AARS1: variants seen among roughly 807,000 people sequenced by gnomAD.
AARS1 encodes alanyl-tRNA synthetase 1, also known as alanine--tRNA ligase, cytoplasmic.
AARS1 carries 72 observed loss-of-function variants against 108.9 expected under a neutral mutation model. The observed-to-expected ratio is 0.66, with a 90% CI of 0.55 to 0.80. The LOEUF is 0.80. AARS1 is among the 30% of genes least tolerant of loss of function. The pLI is 0.00. For missense variants in AARS1, 1,193 were observed against 1,233.2 expected (o/e 0.97, Z 0.49); for synonymous variants, 489 against 465.7 (o/e 1.05, Z -0.64).
Position 70,277,054 on chromosome 16 carries a change from T to C in AARS1, c.245A>G (p.His82Arg). 6.2e-7 allele frequency: 1 copy of C among 1,614,214 alleles called. No individual in the cohort carries two copies. Among genetic ancestry groups the C allele is most frequent in the Non-Finnish European group, 8.5e-7 (1 of 1,180,040 alleles). Residue 82 changes from histidine to arginine, a missense_variant, in exon 3 of 21, where the codon CAT becomes CGT. Coordinates refer to ENST00000261772, the MANE Select transcript of AARS1 (RefSeq NM_001605.3). ...CTTGCCCACATCGTCCAGGTCATTA[T>C]GTTTGCCCCCAGCCCGGATGCACTT... ...TQKCIRAGGKHNDLDDVGKDV... is the reference protein window; with the variant it reads ...TQKCIRAGGKRNDLDDVGKDV...
chr16:70,253,224 A>G, intron 20 of AARS1, 44 bp downstream of exon 20: 1 of 1,508,606 alleles, frequency 6.6e-7, no homozygotes, highest in Non-Finnish European at 9.2e-7. Flanking sequence ...TCAGCCAACA[A>G]CCTTAAGACC....
chr16:70,276,945 G>A (rs1960566027), intron 3 of AARS1, 21 bp downstream of exon 3: 1 of 1,613,846 alleles, frequency 6.2e-7, no homozygotes, highest in Non-Finnish European at 8.5e-7. Context: ...AACCCTAGTG[G>A]TTCTTCTGCT....
At chr16:70,287,947 T>C (rs1960894570) in intron 1 of AARS1, among the ~76,000 whole-genome samples, 1 of 151,844 alleles carries the variant, frequency 6.6e-6, no homozygotes, top group Non-Finnish European at 1.5e-5. Context: ...GTATTTTTAG[T>C]AGAGACGGGG....
chr16:70,254,770 G>A (rs1021248081), intron 16 of AARS1, 36 bp from the exon 17 acceptor site: 1 of 1,405,732 alleles, frequency 7.1e-7, no homozygotes, highest in South Asian at 1.2e-5. Context: ...CAAGCAGGAG[G>A]TCTGAGTCAG....
At chr16:70,254,284 G>C (rs903350828) in intron 17 of AARS1, 7 of 609,448 alleles carry the variant, frequency 1.1e-5, no homozygotes, top group Non-Finnish European at 2.0e-5. Flanking sequence ...GGAACAGCCT[G>C]TGATAAGCTT....
chr16:70,276,903 G>A (rs1001537990), intron 3 of AARS1, 63 bp downstream of exon 3: 1 of 1,565,234 alleles, frequency 6.4e-7, no homozygotes, highest in Admixed American at 1.7e-5. Context: ...TTAGAACCCA[G>A]TTCCCAGTGT....
At chr16:70,254,261 C>G (rs1195596072) in intron 17 of AARS1, 2 of 636,370 alleles carry the variant, frequency 3.1e-6, no homozygotes, top group African/African-American at 1.8e-5. Context: ...CAGGCCCGGT[C>G]CTTACCAGGC....
chr16:70,268,656 G>A (rs189012796), intron 7 of AARS1, among the ~76,000 whole-genome samples: 18 of 152,264 alleles, frequency 1.2e-4, no homozygotes, highest in Non-Finnish European at 2.5e-4. Context: ...ATGTGTACTT[G>A]ATGCCTGTGA....
rs780360628 is a variant in AARS1, at chr16:70,270,286, C to T, written c.726G>A (p.Met242Ile). Residue 242 changes from methionine to isoleucine, a missense_variant, in exon 6 of 21, where the codon ATG (methionine) becomes ATA (isoleucine). Physicochemically the swap from Met to Ile is conservative, Grantham distance 10. Transcript: ENST00000261772. ...GCACAGATACCAGTCGTTCCAGGCC[C>T]ATCCCTGTGTCAATGCTTTTCTTGG... ...PLPKKSIDTG[M>I]GLERLVSVLQ... The T allele has an allele frequency of 3.2e-5, 51 of 1,614,056 alleles. No homozygotes were observed. The highest frequency in any genetic ancestry group is 4.2e-5 in the Non-Finnish European group (49 of 1,180,028).
chr16:70,263,390 G>A (rs528570755), intron 11 of AARS1, among the ~76,000 whole-genome samples: 3 of 151,950 alleles, frequency 2.0e-5, no homozygotes, highest in Non-Finnish European at 4.4e-5. Context: ...TGGCCAACAC[G>A]GTGAAACCCC....
Position 70,253,805 on chromosome 16 carries a change from A to C in AARS1, c.2521-5T>G, listed in dbSNP as rs1555539335. 1.2e-6 allele frequency: 2 copies of C among 1,614,042 alleles called. No individual in the cohort carries two copies. The highest frequency in any genetic ancestry group is 3.3e-5 in the Admixed American group (2 of 60,002). On this transcript the variant is annotated splice_region_variant and splice_polypyrimidine_tract_variant and intron_variant, in intron 18 of 20. Coordinates refer to ENST00000261772, the MANE Select transcript of AARS1 (RefSeq NM_001605.3). Reference sequence around the variant, plus strand: ...CTGCTTCGTCTTCTCTAACACCTGCAAGAAAAAAGTCCAGAACAGCAGCTC... The same window carrying C: ...CTGCTTCGTCTTCTCTAACACCTGCCAGAAAAAAGTCCAGAACAGCAGCTC...
At position 70,271,851 on chromosome 16, in the gene AARS1, C is replaced by A. The variant is rs760716722; in HGVS notation, c.601G>T (p.Ala201Ser). 6.2e-7 allele frequency: 1 copy of A among 1,613,974 alleles called. No homozygotes were observed. The highest frequency in any genetic ancestry group is 1.1e-5 in the South Asian group (1 of 91,084). Residue 201 changes from alanine (A) to serine (S), a missense_variant, in exon 5 of 21, where the codon GCA (alanine) becomes TCA (serine). Ala to Ser is a moderately conservative substitution (Grantham distance 99). Transcript: ENST00000261772. ...HYDRIGGRDAAHLVNQDDPNV... is the reference protein window; with the variant it reads ...HYDRIGGRDASHLVNQDDPNV... ...GGGTCGTCCTGGTTGACAAGATGTG[C>A]GGCGTCCCGACCACCAATCCGGTCG...
chr16:70,262,990 AAAAAAAAAC>A (rs1960176983), intron 11 of AARS1, among the ~76,000 whole-genome samples: 1 of 147,332 alleles, frequency 6.8e-6, no homozygotes, highest in African/African-American at 2.5e-5. Context: ...AAAAAAAAAA[AAAAAAAAAC>A]AACAACAACA....
chr16:70,268,462 C>G (rs1485908656), intron 7 of AARS1, 83 bp from the exon 8 acceptor site: 20 of 1,148,338 alleles, frequency 1.7e-5, no homozygotes, highest in Non-Finnish European at 2.3e-5. Context: ...CAAAGCAACA[C>G]CTCTTTCAGG....
intron 5 of AARS1, 89 bp downstream of exon 5, chr16:70,271,692 C>T: frequency 7.5e-7 from 1 of 1,338,888 alleles, no homozygotes; most frequent in Non-Finnish European, 1.1e-6. Flanking sequence ...AAGAAATGAG[C>T]TTTTAGCTGA....
In AARS1 at chr16:70,259,023, T is replaced by C. The variant is rs142233951; in HGVS notation, c.1949A>G (p.Lys650Arg). 18 of 1,614,120 alleles carry C rather than the reference T, an allele frequency of 1.1e-5. No individual in the cohort carries two copies. Among genetic ancestry groups the C allele is most frequent in the Non-Finnish European group, 1.4e-5 (17 of 1,180,044 alleles). ...CTCATTAGCAATCTCTTCAGCCTTC[T>C]TGATCTGTTGGGTGGACATGGCTCC... ...AKGAMSTQQI[K>R]KAEEIANEMI... The change falls in exon 14 of 21, where the codon AAG (lysine) becomes AGG (arginine). Residue 650 changes from lysine to arginine, a missense_variant. Lys to Arg is a conservative substitution (Grantham distance 26). Coordinates refer to ENST00000261772, the MANE Select transcript of AARS1 (RefSeq NM_001605.3).
chr16:70,254,862 C>A (rs1959941349), intron 16 of AARS1, 128 bp from the exon 17 acceptor site: 4 of 689,524 alleles, frequency 5.8e-6, no homozygotes, highest in Non-Finnish European at 1.1e-5. Flanking sequence ...CCAAAAGTGT[C>A]TGTGGGGAGT....
Position 70,262,987 on chromosome 16 carries a change from A to C in AARS1, c.1493-463T>G, listed in dbSNP as rs939920296. Among the ~76,000 whole-genome samples, 96 of 147,464 alleles carry C rather than the reference A, an allele frequency of 6.5e-4. 2 individuals carry two copies. Among genetic ancestry groups the C allele is most frequent in the African/African-American group, 2.4e-3 (95 of 39,644 alleles). On this transcript the variant is annotated intron_variant, in intron 11 of 20. Coordinates refer to ENST00000261772, the MANE Select transcript of AARS1 (RefSeq NM_001605.3). ...GGTCTCAAAAAAAAAAAAAAAAAAAAAAAAAAAAAAACAACAACAACAAAG... is the reference window on the plus strand; with the variant it reads ...GGTCTCAAAAAAAAAAAAAAAAAAACAAAAAAAAAAACAACAACAACAAAG...
At chr16:70,272,524 A>C (rs1960434026) in intron 4 of AARS1, among the ~76,000 whole-genome samples, 2 of 149,436 alleles carry the variant, frequency 1.3e-5, no homozygotes, top group Non-Finnish European at 3.0e-5. Context: ...AAAAAAAAAA[A>C]AAAAAAAAAA....
Sources: allele counts gnomAD v4.1 joint callset (sites outside exome capture counted in the v4.1 genomes callset), GRCh38; gene constraint gnomAD v4.1.1; transcripts MANE v1.5; gene names NCBI Gene and HGNC (gene_info 2026-07-23, HGNC 2026-07-21).